The following MYBPC1 variants were observed in gnomAD, a reference collection of about 807,000 sequenced individuals.
The protein encoded by MYBPC1 is myosin-binding protein C, slow-type.
MYBPC1 carries 52 observed loss-of-function variants against 147.1 expected under a neutral mutation model. That is an observed-to-expected ratio of 0.35 (90% confidence interval 0.28 to 0.45). The LOEUF (loss-of-function observed/expected upper bound fraction) is 0.45, where lower values mean the gene tolerates loss of function less well. MYBPC1 is among the 20% of genes least tolerant of loss of function. MYBPC1 has a pLI of 1.00. For missense variants in MYBPC1, 1,228 were observed against 1,440.3 expected, an observed-to-expected ratio of 0.85 and a Z score of 2.39; for synonymous variants, 477 against 475.9, an observed-to-expected ratio of 1.00 and a Z score of -0.03.
intron 10 of MYBPC1, 22 bp downstream of exon 10, chr12:101,636,750 G>A: frequency 6.2e-7 from 1 of 1,606,500 alleles, no homozygotes; most frequent in South Asian, 1.1e-5. Flanking sequence ...GTGATGGAGT[G>A]AGACATTGTG....
chr12:101,683,084 T>C (rs1566022288), intron 30 of MYBPC1, among the ~76,000 whole-genome samples: 1 of 151,812 alleles, frequency 6.6e-6, no homozygotes. Flanking sequence ...ATTTCAAACA[T>C]TTTTTTTGAT....
At chr12:101,599,870 T>C (rs760596647) in intron 1 of MYBPC1, among the ~76,000 whole-genome samples, 3 of 152,154 alleles carry the variant, frequency 2.0e-5, no homozygotes, top group Non-Finnish European at 4.4e-5. Context: ...TGGCATATAT[T>C]TGAGCTCTGT....
intron 9 of MYBPC1, among the ~76,000 whole-genome samples, chr12:101,636,063 T>C (rs1890921828): frequency 6.6e-6 from 1 of 152,186 alleles, no homozygotes; most frequent in Non-Finnish European, 1.5e-5. Flanking sequence ...TAAATATTAA[T>C]AAGAAAATTA....
intron 20 of MYBPC1, among the ~76,000 whole-genome samples, chr12:101,661,550 C>T (rs550357677): frequency 2.8e-4 from 42 of 152,116 alleles, no homozygotes; most frequent in Middle Eastern, 6.8e-3. Flanking sequence ...AGCCAGTGAA[C>T]GTCTGATTCT....
chr12:101,682,573 A>G lies in MYBPC1; in HGVS notation c.3434-31A>G, dbSNP rs771064578. The G allele has an allele frequency of 2.6e-5, 41 of 1,591,290 alleles. 1 individual carries two copies. The South Asian group carries it at 4.0e-4, about 15-fold the overall frequency. ...GTAAGAATGTCAACTGAGAATAAAT[A>G]AATACTGGTACAAATATTCTGATTC... is the stretch of plus-strand genomic sequence containing the variant. On this transcript the variant is annotated intron_variant, in intron 29 of 31. Coordinates refer to ENST00000361466, the MANE Select transcript of MYBPC1 (RefSeq NM_002465.4).
intron 1 of MYBPC1, among the ~76,000 whole-genome samples, chr12:101,609,654 G>C (rs902435389): frequency 2.0e-5 from 3 of 152,156 alleles, no homozygotes; most frequent in Non-Finnish European, 4.4e-5. Context: ...GCATACTGCA[G>C]TTTGAGAAGT....
intron 15 of MYBPC1, 101 bp from the exon 16 acceptor site, chr12:101,651,130 C>A: frequency 7.8e-7 from 1 of 1,288,072 alleles, no homozygotes; most frequent in Non-Finnish European, 1.1e-6. Context: ...ACTTTCAAAA[C>A]AAACATTGTA....
chr12:101,684,095 A>G (rs1951199305), intron 30 of MYBPC1, among the ~76,000 whole-genome samples: 1 of 152,128 alleles, frequency 6.6e-6, no homozygotes, highest in Non-Finnish European at 1.5e-5. Context: ...AGCTCTTACC[A>G]TAGATATTCA....
At chr12:101,625,688 G>T (rs1322202234) in intron 3 of MYBPC1, among the ~76,000 whole-genome samples, 2 of 152,202 alleles carry the variant, frequency 1.3e-5, no homozygotes, top group Admixed American at 1.3e-4. Flanking sequence ...CAAAGCTCCA[G>T]CCCACTGAAC....
chr12:101,651,417 A>G (rs1894414619), intron 16 of MYBPC1, 24 bp downstream of exon 16: 2 of 1,613,620 alleles, frequency 1.2e-6, no homozygotes, highest in Non-Finnish European at 1.7e-6. Flanking sequence ...GTGACCCGCA[A>G]GTGAGGTTTG....
At position 101,659,655 on chromosome 12, in the gene MYBPC1, G is replaced by T; in HGVS notation, c.1768-17G>T. ...TATTGTGTAAATCATGCCACATTTT[G>T]TTTCTCCACTTCTTAGGCTATTATG... On this transcript the variant is annotated splice_polypyrimidine_tract_variant and intron_variant, in intron 18 of 31. Transcript: ENST00000361466. The T allele has an allele frequency of 6.2e-7, 1 of 1,613,936 alleles. No homozygotes were observed. Among genetic ancestry groups the T allele is most frequent in the Non-Finnish European group, 8.5e-7 (1 of 1,179,852 alleles).
At chr12:101,694,954 G>C in the MYBPC1 span, among the ~76,000 whole-genome samples, 1 of 152,142 alleles carries the variant, frequency 6.6e-6, no homozygotes, top group Admixed American at 6.5e-5. Context: ...ACAGACAAAG[G>C]TGTCATGAGT....
At chr12:101,657,440 C>G (rs533035048) in intron 18 of MYBPC1, among the ~76,000 whole-genome samples, 1 of 152,188 alleles carries the variant, frequency 6.6e-6, no homozygotes, top group Admixed American at 6.5e-5. Context: ...ATCAATAAAA[C>G]GTATAACCCT....
chr12:101,688,212 G>T (rs183483979), downstream of MYBPC1, among the ~76,000 whole-genome samples: 38 of 152,292 alleles, frequency 2.5e-4, no homozygotes, highest in Middle Eastern at 3.4e-3. Flanking sequence ...TTGAGGCCGG[G>T]AGTTCGAGAG....
At chr12:101,596,422 T>C (rs1467572691) in intron 1 of MYBPC1, among the ~76,000 whole-genome samples, 1 of 152,250 alleles carries the variant, frequency 6.6e-6, no homozygotes, top group Non-Finnish European at 1.5e-5. Context: ...GTGTACTAAG[T>C]GTCCTTTTTA....
intron 3 of MYBPC1, among the ~76,000 whole-genome samples, chr12:101,622,850 G>A (rs1321961023): frequency 1.3e-5 from 2 of 152,340 alleles, no homozygotes; most frequent in East Asian, 3.9e-4. Flanking sequence ...ATGAATCCAA[G>A]ATTGCCAATT....
intron 4 of MYBPC1, among the ~76,000 whole-genome samples, chr12:101,627,154 A>G (rs1888789567): frequency 2.0e-5 from 3 of 152,160 alleles, no homozygotes; most frequent in Admixed American, 2.0e-4. Context: ...TTGGGTATAA[A>G]TGTTAGGGGT....
At chr12:101,625,977 A>G (rs1307825128) in intron 3 of MYBPC1, among the ~76,000 whole-genome samples, 2 of 150,190 alleles carry the variant, frequency 1.3e-5, no homozygotes, top group Non-Finnish European at 3.0e-5. Flanking sequence ...AATCCCAGCT[A>G]CTTGGGAGGC....
chr12:101,678,127 T>C lies in MYBPC1; in HGVS notation c.3135T>C (p.Tyr1045=). Residue 1045 remains tyrosine, a synonymous_variant, in exon 28 of 32, where the codon TAT becomes TAC. Transcript: ENST00000361466. ...RDGKIYKNPV[Y]EDFDFSEAPM... ...GTAAAATCTACAAAAATCCAGTGTA[T>C]GAAGACTTTGATTTCTCAGAGGCAC... The C allele has an allele frequency of 6.2e-7, 1 of 1,613,864 alleles. No homozygotes were observed. The highest frequency in any genetic ancestry group is 8.5e-7 in the Non-Finnish European group (1 of 1,179,706).
Sources: gnomAD v4.1 joint callset for allele counts (sites outside exome capture counted in the v4.1 genomes callset) on GRCh38, gnomAD v4.1.1 for gene constraint, MANE v1.5 for transcripts, NCBI Gene and HGNC (gene_info 2026-07-23, HGNC 2026-07-21) for gene names.